KIF7: variants seen among roughly 807,000 people sequenced by gnomAD.
KIF7 encodes kinesin family member 7.
KIF7 carries 104 observed loss-of-function variants against 135.7 expected under a neutral mutation model. The ratio of observed to expected loss-of-function variants is 0.77; its 90% CI spans 0.65 to 0.90. The LOEUF (loss-of-function observed/expected upper bound fraction) is 0.90, where lower values mean the gene tolerates loss of function less well. Ranked by LOEUF, KIF7 falls within the 40% of genes least tolerant of loss-of-function variation. The pLI, the probability that KIF7 is intolerant of heterozygous loss-of-function variation, is 0.00. For missense variants in KIF7, 2,005 were observed against 1,839.1 expected (o/e 1.09, Z -1.65); for synonymous variants, 883 against 809.4 (o/e 1.09, Z -1.54).
chr15:89,647,489 C>G, intron 6 of KIF7, 107 bp downstream of exon 6: 1 of 965,542 alleles, frequency 1.0e-6, no homozygotes, highest in East Asian at 2.4e-5. Flanking sequence ...ACACCCCTAC[C>G]CCGCAGTACC....
intron 7 of KIF7, 97 bp from the exon 8 acceptor site, chr15:89,646,123 C>G (rs1964008939): frequency 6.7e-7 from 1 of 1,490,744 alleles, no homozygotes. Context: ...CAAGCCCTGC[C>G]TTACCTTCGT....
downstream of KIF7, chr15:89,626,957 T>G (rs1377414685): frequency 1.2e-6 from 2 of 1,613,848 alleles, no homozygotes; most frequent in East Asian, 2.2e-5. Flanking sequence ...TTCTTCTAGA[T>G]GAGGATGTGG....
chr15:89,648,342 G>T lies in KIF7; in HGVS notation c.1356C>A (p.Ser452Arg). 6.8e-7 allele frequency: 1 copy of T among 1,477,866 alleles called. No homozygotes were observed. The highest frequency in any genetic ancestry group is 9.0e-7 in the Non-Finnish European group (1 of 1,113,398). 91.5% of individuals were successfully genotyped at this position (1,477,866 alleles called of 1,614,324 possible). A position where few individuals can be genotyped will look rare whatever the true frequency, so the allele number is the denominator to read the frequency against. Residue 452 changes from serine (S) to arginine (R), a missense_variant, in exon 5 of 19, where the codon AGC becomes AGA. Transcript: ENST00000394412. ...DWLCAVEGER[S>R]ALSSASGPDS... ...CGGGCCCGGAGGCGGAGCTCAGGGCGCTGCGCTCGCCCTCGACGGCGCACA... is the reference window on the plus strand; with the variant it reads ...CGGGCCCGGAGGCGGAGCTCAGGGCTCTGCGCTCGCCCTCGACGGCGCACA...
chr15:89,652,755 A>C lies in KIF7; in HGVS notation c.176T>G (p.Val59Gly). 6.4e-7 allele frequency: 1 copy of C among 1,551,682 alleles called. No homozygotes were observed. Among genetic ancestry groups the C allele is most frequent in the Admixed American group, 2.0e-5 (1 of 51,006 alleles). The change falls in exon 2 of 19, where the codon GTG becomes GGG. Residue 59 changes from valine to glycine, a missense_variant. Transcript: ENST00000394412. ...LGRDRHFGFH[V>G]VLAEDAGQEA... ...CTGCCCCGCATCCTCGGCCAGCACC[A>C]CGTGGAAGCCAAAGTGTCGGTCACG...
At chr15:89,645,506 C>A in intron 8 of KIF7, 55 bp from the exon 9 acceptor site, 1 of 1,406,710 alleles carries the variant, frequency 7.1e-7, no homozygotes, top group Non-Finnish European at 9.9e-7. Flanking sequence ...CCCAGCCTAG[C>A]CACCCCCAGG....
rs1451905785 is a variant in KIF7 at position 89,633,724 on chromosome 15, G to A, written c.2554C>T (p.Leu852=). The A allele has an allele frequency of 6.2e-7, 1 of 1,608,684 alleles. No homozygotes were observed. The highest frequency in any genetic ancestry group is 8.5e-7 in the Non-Finnish European group (1 of 1,179,894). ...LREETEQKRR[L]EAEMSKRQHR... The stretch of plus-strand genomic sequence containing the variant: ...TGCCGCTTGCTCATTTCTGCCTCCA[G>A]GCGCCGCTTCTGCTCCGTCTCCTCG... Residue 852 remains leucine, a synonymous_variant, in exon 12 of 19, where the codon CTG becomes TTG. Coordinates refer to ENST00000394412, the MANE Select transcript of KIF7 (RefSeq NM_198525.3).
At chr15:89,660,625 G>A in the KIF7 span, among the ~76,000 whole-genome samples, 2 of 152,156 alleles carry the variant, frequency 1.3e-5, no homozygotes, top group East Asian at 3.8e-4. Flanking sequence ...TCCCAGTCTG[G>A]ACTACTCATC....
chr15:89,642,817 C>T (rs10444870), intron 10 of KIF7, among the ~76,000 whole-genome samples: 80,931 of 152,052 alleles, frequency 0.53, 21,929 homozygotes, highest in Non-Finnish European at 0.59. Context: ...GATCCACCCA[C>T]CTTGGCCTCC....
downstream of KIF7, chr15:89,623,888 C>G (rs774766739): frequency 1.1e-5 from 17 of 1,613,840 alleles, no homozygotes; most frequent in Middle Eastern, 1.6e-4. Context: ...ACGAAGACAC[C>G]AAGAACTCCT....
intron 1 of KIF7, chr15:89,619,816 TC>T: frequency 6.2e-7 from 1 of 1,612,294 alleles, no homozygotes; most frequent in South Asian, 1.1e-5. Context: ...GTGCAAAGAG[TC>T]CACTCTTTCC....
intron 1 of KIF7, among the ~76,000 whole-genome samples, chr15:89,619,221 C>CTTCT (rs1555422132): frequency 5.4e-5 from 6 of 112,006 alleles, no homozygotes; most frequent in Admixed American, 1.0e-4. Flanking sequence ...CACCATTCTT[C>CTTCT]TTTTTTTTTT....
upstream of KIF7, among the ~76,000 whole-genome samples, chr15:89,656,902 G>C (rs1186307030): frequency 6.6e-6 from 1 of 152,174 alleles, no homozygotes; most frequent in Non-Finnish European, 1.5e-5. Flanking sequence ...TGCCCAAAGA[G>C]AATCATTTTA....
upstream of KIF7, chr15:89,655,504 C>G (rs199505563): frequency 1.1e-4 from 17 of 152,300 alleles, no homozygotes; most frequent in East Asian, 2.1e-3. Context: ...AACCAGCCCC[C>G]CCCTCACCCG....
chr15:89,629,015 G>A lies in KIF7; in HGVS notation c.3625C>T (p.Gln1209Ter). The part of the protein sequence containing the change: ...RYMWINQELK[Q>*]KLGGVNAVGH... Reference sequence around the variant, plus strand: ...ACAGCGTTCACACCGCCGAGCTTCTGTTTCAGTTCCTGGTTTATCCACATG... The same window carrying A: ...ACAGCGTTCACACCGCCGAGCTTCTATTTCAGTTCCTGGTTTATCCACATG... The change falls in exon 18 of 19, where the codon CAG becomes TAG. Residue 1209 changes from glutamine (Q) to a stop codon, truncating the protein, a stop_gained. Coordinates refer to ENST00000394412, the MANE Select transcript of KIF7 (RefSeq NM_198525.3). LOFTEE classifies it low-confidence loss of function (END_TRUNC). The A allele has an allele frequency of 6.2e-7, 1 of 1,613,716 alleles. No individual in the cohort carries two copies. The highest frequency in any genetic ancestry group is 8.5e-7 in the Non-Finnish European group (1 of 1,179,966).
intron 11 of KIF7, among the ~76,000 whole-genome samples, chr15:89,637,360 A>T (rs1385559992): frequency 6.6e-6 from 1 of 150,432 alleles, no homozygotes; most frequent in Non-Finnish European, 1.5e-5. Context: ...AGAGACACAA[A>T]AAACCCTTCA....
chr15:89,661,343 A>G, the KIF7 span, among the ~76,000 whole-genome samples: 1 of 152,244 alleles, frequency 6.6e-6, no homozygotes. Context: ...AGCTCAAGGC[A>G]TGCAAAACTC....
intron 8 of KIF7, 144 bp downstream of exon 8, chr15:89,645,749 G>T: frequency 8.6e-7 from 1 of 1,165,632 alleles, no homozygotes; most frequent in Non-Finnish European, 1.2e-6. Flanking sequence ...CTCCCCCAGG[G>T]GCTGGCCAGG....
intron 16 of KIF7, 149 bp downstream of exon 16, chr15:89,630,138 T>G: frequency 1.4e-6 from 1 of 719,926 alleles, no homozygotes; most frequent in South Asian, 1.8e-5. Context: ...AAATAGGCTT[T>G]AAGGTCAGGC....
rs1418785833 is a variant in KIF7 at position 89,645,288 on chromosome 15, T to C, written c.2038+48A>G. ...TCCCAAGGTGGCTGGCCCAGAACCG[T>C]GGAGGGGCAGTGGGGAGGAGGCCCT... On this transcript the variant is annotated intron_variant, in intron 9 of 18. Transcript: ENST00000394412. 3 of 1,601,596 alleles carry C rather than the reference T, an allele frequency of 1.9e-6. No individual in the cohort carries two copies. In the South Asian group the frequency reaches 3.3e-5, roughly 18 times the overall value.
Sources: allele counts gnomAD v4.1 joint callset (sites outside exome capture counted in the v4.1 genomes callset), GRCh38; gene constraint gnomAD v4.1.1; transcripts MANE v1.5; gene names NCBI Gene and HGNC (gene_info 2026-07-23, HGNC 2026-07-21).